Variants in TENM2 observed in about 807,000 individuals in gnomAD.
TENM2 encodes the protein teneurin transmembrane protein 2.
TENM2 carries 52 observed loss-of-function variants against 245.2 expected under a neutral mutation model. The observed-to-expected ratio is 0.21, with a 90% CI of 0.17 to 0.27. The LOEUF is 0.27. Ranked by LOEUF, TENM2 falls within the 10% of genes least tolerant of loss-of-function variation. TENM2 has a pLI of 1.00. For synonymous variants in TENM2, 1,363 were observed against 1,438.9 expected, an observed-to-expected ratio of 0.95 and a Z score of 1.19; for missense variants, 3,046 against 3,666.8, an observed-to-expected ratio of 0.83 and a Z score of 4.37.
At chr5:167,676,285 T>G (rs1332889027) in intron 2 of TENM2, among the ~76,000 whole-genome samples, 2 of 152,066 alleles carry the variant, frequency 1.3e-5, no homozygotes, top group African/African-American at 4.8e-5. Flanking sequence ...ATTAACTACC[T>G]TTATCTCACT....
intron 2 of TENM2, among the ~76,000 whole-genome samples, chr5:167,861,300 A>G (rs559689344): frequency 3.9e-5 from 6 of 152,172 alleles, no homozygotes; most frequent in African/African-American, 9.7e-5. Flanking sequence ...TTCCTAGTGC[A>G]CGATAATGTT....
At chr5:167,658,509 A>G (rs1410019126) in intron 2 of TENM2, among the ~76,000 whole-genome samples, 18 of 152,076 alleles carry the variant, frequency 1.2e-4, no homozygotes, top group Admixed American at 1.2e-3. Context: ...AATCCCATTC[A>G]TGGCAGTTCT....
At chr5:167,727,629 T>A (rs913630452) in intron 2 of TENM2, among the ~76,000 whole-genome samples, 3 of 152,226 alleles carry the variant, frequency 2.0e-5, no homozygotes, top group Admixed American at 6.5e-5. Context: ...TAAATTTAGA[T>A]TCATCTAACA....
exon 25 of TENM2, chr5:168,228,051 A>C: frequency 1.2e-6 from 2 of 1,613,952 alleles, no homozygotes; most frequent in Non-Finnish European, 1.7e-6. Context: ...CCTATGGAGA[A>C]TGGCTTAAAC....
intron 2 of TENM2, among the ~76,000 whole-genome samples, chr5:167,712,661 G>C (rs1297721026): frequency 6.6e-6 from 1 of 152,104 alleles, no homozygotes; most frequent in African/African-American, 2.4e-5. Context: ...AGAAATATAA[G>C]CATAGCTTCA....
intron 19 of TENM2, among the ~76,000 whole-genome samples, chr5:168,211,162 T>A (rs1762776109): frequency 6.6e-6 from 1 of 152,180 alleles, no homozygotes; most frequent in Non-Finnish European, 1.5e-5. Context: ...GTTCAGAGTC[T>A]CAGGGTTCAA....
the TENM2 span, among the ~76,000 whole-genome samples, chr5:167,078,549 T>C: frequency 6.6e-6 from 1 of 152,114 alleles, no homozygotes; most frequent in African/African-American, 2.4e-5. Context: ...GGAGTATGGG[T>C]ATAATATTAC....
chr5:167,187,005 C>T, the TENM2 span, among the ~76,000 whole-genome samples: 1 of 152,140 alleles, frequency 6.6e-6, no homozygotes, highest in African/African-American at 2.4e-5. Flanking sequence ...CTAACTTCTC[C>T]TCTCCACCCG....
intron 27 of TENM2, among the ~76,000 whole-genome samples, chr5:168,256,289 A>T (rs1767653241): frequency 1.3e-5 from 2 of 151,444 alleles, no homozygotes; most frequent in Admixed American, 6.6e-5. Flanking sequence ...TTCAAAGTTG[A>T]GAAACCAGTG....
At chr5:168,073,350 C>G (rs1452176530) in intron 7 of TENM2, among the ~76,000 whole-genome samples, 1 of 152,144 alleles carries the variant, frequency 6.6e-6, no homozygotes, top group East Asian at 1.9e-4. Flanking sequence ...CAAGGTGAAT[C>G]TTTGAGGGTG....
At chr5:167,135,706 G>A in the TENM2 span, among the ~76,000 whole-genome samples, 14 of 152,220 alleles carry the variant, frequency 9.2e-5, no homozygotes, top group African/African-American at 2.9e-4. Context: ...GAACCCAGGC[G>A]GAGGTTGCAG....
intron 2 of TENM2, among the ~76,000 whole-genome samples, chr5:167,786,575 C>T (rs1022792383): frequency 3.3e-5 from 5 of 152,224 alleles, no homozygotes; most frequent in Non-Finnish European, 5.9e-5. Context: ...TTTCCTAAAC[C>T]ACTGGCTGTG....
chr5:167,125,228 C>T, the TENM2 span, among the ~76,000 whole-genome samples: 4 of 152,290 alleles, frequency 2.6e-5, no homozygotes, highest in South Asian at 2.1e-4. Flanking sequence ...AGGCCAAAAG[C>T]GATTGAAGGC....
chr5:167,115,577 C>T, the TENM2 span, among the ~76,000 whole-genome samples: 1 of 152,180 alleles, frequency 6.6e-6, no homozygotes, highest in African/African-American at 2.4e-5. Flanking sequence ...AAATTCACCT[C>T]CTCAAAAGCT....
intron 2 of TENM2, among the ~76,000 whole-genome samples, chr5:167,849,262 A>T (rs943496616): frequency 6.6e-6 from 1 of 152,004 alleles, no homozygotes; most frequent in Non-Finnish European, 1.5e-5. Flanking sequence ...TTATCTCCTT[A>T]TCTCAAGATC....
At chr5:167,801,106 AAAAATATAT>A (rs1477210785) in intron 2 of TENM2, among the ~76,000 whole-genome samples, 19 of 64,836 alleles carry the variant, frequency 2.9e-4, no homozygotes, top group South Asian at 6.5e-4. Flanking sequence ...AAAAAAAAAA[AAAAATATAT>A]ATATATATAT....
chr5:167,162,944 G>A, the TENM2 span, among the ~76,000 whole-genome samples: 1 of 152,050 alleles, frequency 6.6e-6, no homozygotes, highest in Non-Finnish European at 1.5e-5. Context: ...TCAATTGAAT[G>A]GGTAGAATGT....
intron 3 of TENM2, among the ~76,000 whole-genome samples, chr5:167,900,472 A>G (rs1402926151): frequency 1.3e-5 from 2 of 152,146 alleles, no homozygotes; most frequent in Non-Finnish European, 2.9e-5. Flanking sequence ...ATGTGTTCCC[A>G]TTAGGGCTGC....
At chr5:167,190,903 T>A in the TENM2 span, among the ~76,000 whole-genome samples, 1 of 152,142 alleles carries the variant, frequency 6.6e-6, no homozygotes, top group East Asian at 1.9e-4. Flanking sequence ...ATTTGTGAAA[T>A]ACATGCTGCT....
Sources: gnomAD v4.1 joint callset for allele counts (sites outside exome capture counted in the v4.1 genomes callset) on GRCh38, gnomAD v4.1.1 for gene constraint, MANE v1.5 for transcripts, NCBI Gene and HGNC (gene_info 2026-07-23, HGNC 2026-07-21) for gene names.